Variants in FMN1 observed in about 807,000 individuals in gnomAD.
The protein encoded by FMN1 is formin 1.
FMN1 carries 110 observed loss-of-function variants against 132.4 expected under a neutral mutation model. The ratio of observed to expected loss-of-function variants is 0.83; its 90% CI spans 0.71 to 0.97. The LOEUF (loss-of-function observed/expected upper bound fraction) is 0.97. Among genes scored for constraint, FMN1 ranks in the 50% least tolerant of loss-of-function variants. The pLI is 0.00. For synonymous variants in FMN1, 722 were observed against 651.7 expected (o/e 1.11, Z -1.64); for missense variants, 1,792 against 1,705.3 (o/e 1.05, Z -0.90).
chr15:32,842,970 A>G (rs2058778578), intron 17 of FMN1, among the ~76,000 whole-genome samples: 1 of 152,006 alleles, frequency 6.6e-6, no homozygotes, highest in Non-Finnish European at 1.5e-5. Context: ...TACTAAAAAT[A>G]CAAGAAATTA....
intron 16 of FMN1, among the ~76,000 whole-genome samples, chr15:32,858,654 G>A (rs1012052865): frequency 1.1e-4 from 17 of 152,150 alleles, no homozygotes; most frequent in Middle Eastern, 6.8e-3. Flanking sequence ...CTGTCCGTTG[G>A]GAGGCAAAGA....
intron 17 of FMN1, among the ~76,000 whole-genome samples, chr15:32,835,224 C>A (rs1329424235): frequency 6.6e-6 from 1 of 152,174 alleles, no homozygotes; most frequent in Non-Finnish European, 1.5e-5. Flanking sequence ...ATCACAGATA[C>A]TCATGAACAA....
intron 9 of FMN1, among the ~76,000 whole-genome samples, chr15:32,940,341 C>T (rs547007224): frequency 5.9e-5 from 9 of 151,878 alleles, no homozygotes; most frequent in South Asian, 4.2e-4. Context: ...TCCAATTCAA[C>T]GGTCCTCACA....
At chr15:33,062,767 TG>T (rs1395777226) in intron 6 of FMN1, 1 of 152,232 alleles carries the variant, frequency 6.6e-6, no homozygotes, top group African/African-American at 2.4e-5. Context: ...AAGTTTCTTT[TG>T]CTTCATGATT....
chr15:32,883,907 A>T (rs2059832776), intron 16 of FMN1, among the ~76,000 whole-genome samples: 2 of 152,322 alleles, frequency 1.3e-5, no homozygotes, highest in East Asian at 1.9e-4. Flanking sequence ...TTTCGTACAG[A>T]GCATGTCCAG....
At chr15:33,105,538 G>T (rs955043457) in intron 4 of FMN1, among the ~76,000 whole-genome samples, 1 of 152,060 alleles carries the variant, frequency 6.6e-6, no homozygotes, top group African/African-American at 2.4e-5. Context: ...GCTGCCTAAA[G>T]GCAAGGCTGA....
chr15:33,103,697 G>A (rs2039377379), intron 4 of FMN1, among the ~76,000 whole-genome samples: 1 of 152,050 alleles, frequency 6.6e-6, no homozygotes, highest in Non-Finnish European at 1.5e-5. Flanking sequence ...GCTTCATTTT[G>A]TTATGTAGAA....
At chr15:33,151,270 A>G in intron 4 of FMN1, 2 of 1,535,968 alleles carry the variant, frequency 1.3e-6, no homozygotes, top group African/African-American at 1.4e-5. Context: ...ACCCACTTCT[A>G]CTCTCCTTCC....
intron 4 of FMN1, among the ~76,000 whole-genome samples, chr15:33,099,918 C>A (rs1222798169): frequency 6.6e-6 from 1 of 152,152 alleles, no homozygotes; most frequent in Non-Finnish European, 1.5e-5. Flanking sequence ...CTGTGGGACT[C>A]AAAAGAGGAG....
At chr15:32,789,501 C>T (rs1181049444) in intron 19 of FMN1, among the ~76,000 whole-genome samples, 4 of 152,094 alleles carry the variant, frequency 2.6e-5, no homozygotes, top group African/African-American at 7.2e-5. Flanking sequence ...AAAGACAGAC[C>T]TCATATATGA....
intron 16 of FMN1, among the ~76,000 whole-genome samples, chr15:32,886,114 G>T (rs1222546660): frequency 2.0e-5 from 3 of 152,148 alleles, no homozygotes; most frequent in Admixed American, 6.6e-5. Context: ...TTGCCAGATG[G>T]TATTTAGAAG....
In FMN1 at chr15:32,798,778, C is replaced by T. The variant is rs375084316; in HGVS notation, c.4130+26G>A. The T allele has an allele frequency of 3.1e-5, 49 of 1,594,326 alleles. No individual in the cohort carries two copies. In the Middle Eastern group the frequency reaches 6.6e-4, roughly 22 times the overall value. ...CAGTTTCCTAGGCTCCTGAAGGAGG[C>T]ATTAAAATCTTTTTTTGAACCTTAC... On this transcript the variant is annotated intron_variant, in intron 19 of 20. Transcript: ENST00000616417.
Position 33,154,773 on chromosome 15 carries a change from G to A in FMN1, c.142C>T (p.His48Tyr). 1 of 1,536,128 alleles carries A rather than the reference G, an allele frequency of 6.5e-7. No homozygotes were observed. Among genetic ancestry groups the A allele is most frequent in the Non-Finnish European group, 8.7e-7 (1 of 1,146,914 alleles). The change falls in exon 4 of 21, where the codon CAT becomes TAT. Residue 48 changes from histidine (H) to tyrosine (Y), a missense_variant. His to Tyr is a moderately conservative substitution (Grantham distance 83). This residue lies in a region of FMN1 where 638 missense variants were observed against 645.2 expected (regional missense o/e 0.99). Transcript: ENST00000616417. ...VTLDRSNKGF[H>Y]NCYQVREESD... ...TCCTCCCTGACTTGGTAGCAGTTAT[G>A]AAAACCTTTATTGGATCTGTCTAGA...
intron 16 of FMN1, among the ~76,000 whole-genome samples, chr15:32,858,430 C>A (rs1255152973): frequency 2.0e-5 from 3 of 152,112 alleles, no homozygotes; most frequent in Admixed American, 6.6e-5. Context: ...TTTGAGGGAA[C>A]CCTTTGTCAT....
intron 2 of FMN1, among the ~76,000 whole-genome samples, chr15:33,191,722 T>G (rs1966086034): frequency 6.6e-6 from 1 of 152,232 alleles, no homozygotes; most frequent in Non-Finnish European, 1.5e-5. Context: ...ATTACTATTT[T>G]GCAGAGCATG....
chr15:33,130,566 A>G (rs1353474439), intron 4 of FMN1, among the ~76,000 whole-genome samples: 1 of 141,520 alleles, frequency 7.1e-6, no homozygotes, highest in Non-Finnish European at 1.6e-5. Flanking sequence ...TTTTGATGAC[A>G]AGAAAATGCT....
chr15:33,133,751 A>T (rs1165809180), intron 4 of FMN1, among the ~76,000 whole-genome samples: 3 of 152,210 alleles, frequency 2.0e-5, no homozygotes, highest in African/African-American at 7.2e-5. Flanking sequence ...AATGTAACTA[A>T]GGGCAAATAT....
chr15:33,130,604 T>C (rs1468921759), intron 4 of FMN1, among the ~76,000 whole-genome samples: 2 of 152,162 alleles, frequency 1.3e-5, no homozygotes, highest in Non-Finnish European at 2.9e-5. Flanking sequence ...TGTTAATAGG[T>C]ATATGCATTT....
chr15:32,805,500 G>A (rs2057648109), intron 17 of FMN1, among the ~76,000 whole-genome samples: 1 of 152,094 alleles, frequency 6.6e-6, no homozygotes, highest in Non-Finnish European at 1.5e-5. Context: ...AAGCTCTTTA[G>A]TTTAATTAGA....
Sources: gnomAD v4.1 joint callset for allele counts (sites outside exome capture counted in the v4.1 genomes callset) on GRCh38, gnomAD v4.1.1 for gene constraint, gnomAD v4.1.1 regional missense constraint, MANE v1.5 for transcripts, NCBI Gene and HGNC (gene_info 2026-07-23, HGNC 2026-07-21) for gene names.